The following SLIT3 variants were observed in gnomAD, a reference collection of about 807,000 sequenced individuals.
SLIT3 encodes the protein slit guidance ligand 3.
Under a neutral mutation model 184.0 loss-of-function variants are expected in SLIT3, and 68 were observed. That is an observed-to-expected ratio of 0.37 (90% confidence interval 0.30 to 0.45). The LOEUF is 0.45. SLIT3 is among the 20% of genes least tolerant of loss of function. SLIT3 has a pLI of 1.00. For missense variants in SLIT3, 1,707 were observed against 2,026.0 expected, an observed-to-expected ratio of 0.84 and a Z score of 3.02; for synonymous variants, 831 against 828.6, an observed-to-expected ratio of 1.00 and a Z score of -0.05.
chr5:168,988,537 G>A (rs186428256), intron 4 of SLIT3, among the ~76,000 whole-genome samples: 12 of 152,290 alleles, frequency 7.9e-5, no homozygotes, highest in Admixed American at 6.5e-4. Context: ...TATAGAAGGA[G>A]GGTGTGTGGC....
At chr5:168,890,165 A>C (rs11749340) in intron 4 of SLIT3, among the ~76,000 whole-genome samples, 715 of 149,190 alleles carry the variant, frequency 4.8e-3, no homozygotes, top group Non-Finnish European at 7.9e-3. Context: ...AAAAAGAGAG[A>C]GAGCACCAGT....
intron 4 of SLIT3, among the ~76,000 whole-genome samples, chr5:168,917,785 C>T (rs1036066171): frequency 2.6e-5 from 4 of 150,948 alleles, no homozygotes; most frequent in East Asian, 3.8e-4. Flanking sequence ...AGGAAACCTT[C>T]GCAGCAGTAT....
chr5:169,218,812 A>AGAATGCT (rs1378934345), intron 3 of SLIT3, among the ~76,000 whole-genome samples: 1 of 152,252 alleles, frequency 6.6e-6, no homozygotes, highest in Non-Finnish European at 1.5e-5. Context: ...GGCAGAATGC[A>AGAATGCT]GAATGCTGGT....
intron 1 of SLIT3, among the ~76,000 whole-genome samples, chr5:169,292,587 GA>G (rs1369721551): frequency 6.6e-6 from 1 of 151,948 alleles, no homozygotes; most frequent in Admixed American, 6.6e-5. Context: ...GAAAGATTTT[GA>G]AAAAAATGCA....
chr5:168,742,124 TG>T (rs1395027027), intron 20 of SLIT3, among the ~76,000 whole-genome samples: 3 of 121,786 alleles, frequency 2.5e-5, no homozygotes, highest in African/African-American at 9.8e-5. Context: ...GCATATGCAC[TG>T]GGGGAATCAC....
intron 8 of SLIT3, among the ~76,000 whole-genome samples, chr5:168,811,730 A>G (rs888986301): frequency 1.3e-5 from 2 of 152,240 alleles, no homozygotes; most frequent in Non-Finnish European, 2.9e-5. Flanking sequence ...GCTGGCACCA[A>G]TGTGGAGAAA....
intron 3 of SLIT3, among the ~76,000 whole-genome samples, chr5:169,204,130 G>C (rs1763989354): frequency 6.6e-6 from 1 of 152,114 alleles, no homozygotes; most frequent in African/African-American, 2.4e-5. Context: ...AGTGTGGTGG[G>C]GGAGAAGCAA....
intron 1 of SLIT3, among the ~76,000 whole-genome samples, chr5:169,280,879 T>TA (rs1259460145): frequency 2.6e-5 from 4 of 152,176 alleles, no homozygotes; most frequent in Non-Finnish European, 5.9e-5. Context: ...GTCATACATA[T>TA]AACACAGTGT....
chr5:168,957,962 G>A (rs981702214), intron 4 of SLIT3, among the ~76,000 whole-genome samples: 5 of 151,930 alleles, frequency 3.3e-5, no homozygotes, highest in African/African-American at 1.2e-4. Flanking sequence ...TAAAACATAG[G>A]AATCATCATC....
chr5:169,000,660 G>C lies in SLIT3; in HGVS notation c.414-117324C>G, dbSNP rs374252888. Among the ~76,000 whole-genome samples the C allele has an allele frequency of 5.9e-5, 9 of 152,242 alleles. No individual in the cohort carries two copies. In the East Asian group the frequency reaches 1.4e-3, roughly 23 times the overall value. ...AATAATATGATACAGAGTTGAACGT[G>C]ATAGATCTGGTCAGTATCAAACTCA... On this transcript the variant is annotated intron_variant, in intron 4 of 35. Transcript: ENST00000519560.
intron 4 of SLIT3, among the ~76,000 whole-genome samples, chr5:169,021,867 A>T (rs577636170): frequency 6.6e-6 from 1 of 152,326 alleles, no homozygotes; most frequent in East Asian, 1.9e-4. Flanking sequence ...ACATGGAGCT[A>T]TTTGAGGTCA....
At chr5:169,118,214 A>G (rs1389383677) in intron 4 of SLIT3, among the ~76,000 whole-genome samples, 4 of 152,220 alleles carry the variant, frequency 2.6e-5, no homozygotes, top group Non-Finnish European at 5.9e-5. Flanking sequence ...TGAAATGTGC[A>G]CATTTGCAAT....
At chr5:169,065,357 T>G (rs1758314464) in intron 4 of SLIT3, among the ~76,000 whole-genome samples, 1 of 152,180 alleles carries the variant, frequency 6.6e-6, no homozygotes, top group Non-Finnish European at 1.5e-5. Flanking sequence ...CCCCATTTGA[T>G]GCCAAATGGT....
chr5:168,761,397 G>C (rs909789404), intron 15 of SLIT3, among the ~76,000 whole-genome samples: 2 of 152,076 alleles, frequency 1.3e-5, no homozygotes, highest in Non-Finnish European at 2.9e-5. Flanking sequence ...GGCAGGGAAA[G>C]GGGCCTGCTG....
At chr5:168,960,246 C>T (rs1455581643) in intron 4 of SLIT3, among the ~76,000 whole-genome samples, 1 of 152,206 alleles carries the variant, frequency 6.6e-6, no homozygotes, top group Non-Finnish European at 1.5e-5. Flanking sequence ...TGGTGATTCT[C>T]TGGTTAATGT....
chr5:168,821,399 A>T (rs1280722471), intron 7 of SLIT3, among the ~76,000 whole-genome samples: 1 of 152,164 alleles, frequency 6.6e-6, no homozygotes, highest in African/African-American at 2.4e-5. Context: ...TGCAACCCAC[A>T]TGTCTGGGGT....
At chr5:168,818,836 A>G (rs1757426689) in intron 7 of SLIT3, among the ~76,000 whole-genome samples, 1 of 152,236 alleles carries the variant, frequency 6.6e-6, no homozygotes, top group South Asian at 2.1e-4. Flanking sequence ...GTGTGGGCAA[A>G]AGCCTCCCAT....
intron 4 of SLIT3, among the ~76,000 whole-genome samples, chr5:169,021,357 CT>C (rs879856265): frequency 2.6e-5 from 4 of 151,042 alleles, no homozygotes; most frequent in Non-Finnish European, 5.9e-5. Context: ...ATTCTTTTTT[CT>C]TTTTTTTTGA....
intron 32 of SLIT3, among the ~76,000 whole-genome samples, chr5:168,678,180 C>T (rs892965492): frequency 2.6e-5 from 4 of 152,198 alleles, no homozygotes; most frequent in African/African-American, 9.7e-5. Context: ...TCGCCTCTTC[C>T]TGGCAACTTT....
Sources: allele counts gnomAD v4.1 joint callset (sites outside exome capture counted in the v4.1 genomes callset), GRCh38; gene constraint gnomAD v4.1.1; transcripts MANE v1.5; gene names NCBI Gene and HGNC (gene_info 2026-07-23, HGNC 2026-07-21).